MACROD2: variants seen among roughly 807,000 people sequenced by gnomAD.
The protein encoded by MACROD2 is ADP-ribose glycohydrolase MACROD2.
A neutral mutation model predicts 70.4 loss-of-function variants in MACROD2; 36 were observed. The ratio of observed to expected loss-of-function variants is 0.51; its 90% CI spans 0.39 to 0.68. MACROD2 has a LOEUF of 0.68. Among genes scored for constraint, MACROD2 ranks in the 30% least tolerant of loss-of-function variants. MACROD2 has a pLI of 0.00. For missense variants in MACROD2, 496 were observed against 538.4 expected, an observed-to-expected ratio of 0.92 and a Z score of 0.78; for synonymous variants, 172 against 178.8, an observed-to-expected ratio of 0.96 and a Z score of 0.30.
intron 15 of MACROD2, among the ~76,000 whole-genome samples, chr20:16,003,348 CTGTG>C (rs11472125): frequency 1.6e-4 from 24 of 150,358 alleles, no homozygotes; most frequent in African/African-American, 5.1e-4. Context: ...AGTTTGAACC[CTGTG>C]TGTGTGTGTG....
intron 8 of MACROD2, among the ~76,000 whole-genome samples, chr20:15,806,917 G>A (rs2063774594): frequency 6.6e-6 from 1 of 152,146 alleles, no homozygotes; most frequent in Admixed American, 6.6e-5. Context: ...ATTTCCTAGG[G>A]TGATAGGTTT....
chr20:15,238,307 G>T (rs569012833), intron 6 of MACROD2, among the ~76,000 whole-genome samples: 2 of 152,204 alleles, frequency 1.3e-5, no homozygotes, highest in African/African-American at 4.8e-5. Context: ...AGAATACATG[G>T]TCTTATGAAA....
intron 7 of MACROD2, among the ~76,000 whole-genome samples, chr20:15,492,808 A>G (rs2047248720): frequency 6.6e-6 from 1 of 152,186 alleles, no homozygotes; most frequent in African/African-American, 2.4e-5. Context: ...GAGAGCTCAG[A>G]AGTGGATGTG....
intron 5 of MACROD2, among the ~76,000 whole-genome samples, chr20:14,744,151 T>G (rs1221001439): frequency 6.6e-6 from 1 of 152,192 alleles, no homozygotes; most frequent in Non-Finnish European, 1.5e-5. Flanking sequence ...CTTGTTGAAA[T>G]TTGTTACAGC....
intron 3 of MACROD2, among the ~76,000 whole-genome samples, chr20:14,212,393 AC>A (rs1412704664): frequency 6.6e-6 from 1 of 152,182 alleles, no homozygotes; most frequent in East Asian, 1.9e-4. Flanking sequence ...GCAAGATTAG[AC>A]CTTAATTCCA....
intron 8 of MACROD2, among the ~76,000 whole-genome samples, chr20:15,708,880 G>T (rs2050578855): frequency 6.6e-6 from 1 of 151,972 alleles, no homozygotes; most frequent in African/African-American, 2.4e-5. Flanking sequence ...AAATAAATTA[G>T]CTGGGCATGG....
chr20:14,608,596 C>T (rs1009524667), intron 4 of MACROD2, among the ~76,000 whole-genome samples: 1 of 152,074 alleles, frequency 6.6e-6, no homozygotes, highest in Non-Finnish European at 1.5e-5. Context: ...TGAGGATGTG[C>T]CAGGACTGTA....
chr20:15,795,855 A>G (rs1291513787), intron 8 of MACROD2, among the ~76,000 whole-genome samples: 3 of 152,200 alleles, frequency 2.0e-5, no homozygotes, highest in South Asian at 2.1e-4. Flanking sequence ...ACACATTTCA[A>G]TCAGCCCAAA....
intron 3 of MACROD2, among the ~76,000 whole-genome samples, chr20:14,377,189 A>C (rs1347506342): frequency 6.6e-6 from 1 of 152,224 alleles, no homozygotes; most frequent in Non-Finnish European, 1.5e-5. Context: ...AGGGCTTTGA[A>C]GAATAGAGAG....
At chr20:15,063,031 A>T (rs1213630697) in intron 5 of MACROD2, among the ~76,000 whole-genome samples, 1 of 152,214 alleles carries the variant, frequency 6.6e-6, no homozygotes, top group Non-Finnish European at 1.5e-5. Flanking sequence ...TATTTCCTTC[A>T]TACCATACTT....
At chr20:14,691,482 G>T (rs1316654007) in intron 5 of MACROD2, among the ~76,000 whole-genome samples, 1 of 152,164 alleles carries the variant, frequency 6.6e-6, no homozygotes, top group African/African-American at 2.4e-5. Context: ...TCCCAATAGG[G>T]CCAGATCTGG....
intron 5 of MACROD2, among the ~76,000 whole-genome samples, chr20:14,784,670 G>GC (rs1015091367): frequency 1.6e-4 from 6 of 37,010 alleles, no homozygotes; most frequent in African/African-American, 8.0e-4. Context: ...GTTTTAAGTG[G>GC]GGGGGGGGGG....
chr20:14,887,035 G>A (rs2073685638), intron 5 of MACROD2, among the ~76,000 whole-genome samples: 1 of 152,096 alleles, frequency 6.6e-6, no homozygotes. Flanking sequence ...GGCAGAGGAT[G>A]GGAGGCACTT....
At chr20:14,456,328 A>C (rs1281066680) in intron 3 of MACROD2, among the ~76,000 whole-genome samples, 1 of 151,834 alleles carries the variant, frequency 6.6e-6, no homozygotes. Flanking sequence ...TTAATATGGC[A>C]TAGCACAGTA....
chr20:15,331,931 T>C (rs898299855), intron 6 of MACROD2, among the ~76,000 whole-genome samples: 2 of 151,544 alleles, frequency 1.3e-5, no homozygotes, highest in Non-Finnish European at 2.9e-5. Context: ...CCTGCAATAG[T>C]AGTTAAAAAG....
chr20:15,891,920 C>T (rs1305064317), intron 10 of MACROD2, among the ~76,000 whole-genome samples: 1 of 152,048 alleles, frequency 6.6e-6, no homozygotes, highest in Admixed American at 6.6e-5. Context: ...AGTTAAGTAC[C>T]AGCCCTGAAG....
At chr20:15,462,328 T>C (rs2046830512) in intron 7 of MACROD2, among the ~76,000 whole-genome samples, 1 of 152,246 alleles carries the variant, frequency 6.6e-6, no homozygotes, top group Admixed American at 6.5e-5. Context: ...TAATAATGTG[T>C]GTTCTCATTG....
At chr20:14,756,475 A>G (rs1450326801) in intron 5 of MACROD2, among the ~76,000 whole-genome samples, 2 of 152,084 alleles carry the variant, frequency 1.3e-5, no homozygotes, top group Non-Finnish European at 2.9e-5. Context: ...AACCTTATGT[A>G]TCCTGATTAT....
chr20:15,296,221 T>C (rs1600211915), intron 6 of MACROD2, among the ~76,000 whole-genome samples: 1 of 152,100 alleles, frequency 6.6e-6, no homozygotes, highest in South Asian at 2.1e-4. Context: ...AATTATACCA[T>C]AGAGCCAGCA....
Sources: gnomAD v4.1 joint callset for allele counts (sites outside exome capture counted in the v4.1 genomes callset) on GRCh38, gnomAD v4.1.1 for gene constraint, MANE v1.5 for transcripts, NCBI Gene and HGNC (gene_info 2026-07-23, HGNC 2026-07-21) for gene names.